The following GRID2 variants were observed in gnomAD, a reference collection of about 807,000 sequenced individuals.
GRID2 encodes the protein glutamate ionotropic receptor delta type subunit 2, also known as glutamate receptor ionotropic, delta-2.
In GRID2, 33 loss-of-function variants were observed where a neutral mutation model predicts 114.8. The ratio of observed to expected loss-of-function variants is 0.29; its 90% confidence interval spans 0.22 to 0.38. The LOEUF is 0.38. GRID2 is among the 10% of genes least tolerant of loss of function. The pLI, the probability that GRID2 is intolerant of heterozygous loss-of-function variation, is 1.00. For synonymous variants in GRID2, 505 were observed against 449.9 expected (o/e 1.12, Z -1.55); for missense variants, 1,184 against 1,257.7 (o/e 0.94, Z 0.89).
intron 1 of GRID2, among the ~76,000 whole-genome samples, chr4:92,511,666 G>C (rs538005107): frequency 6.6e-6 from 1 of 152,000 alleles, no homozygotes; most frequent in East Asian, 1.9e-4. Flanking sequence ...AAAATATTAG[G>C]ATTAAAAGTC....
chr4:92,770,957 G>T (rs749249306), intron 2 of GRID2, among the ~76,000 whole-genome samples: 1 of 151,918 alleles, frequency 6.6e-6, no homozygotes, highest in Non-Finnish European at 1.5e-5. Context: ...TTTTAAGAAG[G>T]TGTTTCTTAG....
intron 2 of GRID2, among the ~76,000 whole-genome samples, chr4:92,597,616 G>A (rs1045517154): frequency 5.3e-5 from 8 of 152,128 alleles, no homozygotes; most frequent in Non-Finnish European, 1.0e-4. Context: ...TTCTTTTGTT[G>A]TCTGTGTTCT....
At chr4:93,301,891 ATAAAAC>A (rs1335867810) in intron 8 of GRID2, among the ~76,000 whole-genome samples, 3 of 152,200 alleles carry the variant, frequency 2.0e-5, no homozygotes, top group Non-Finnish European at 4.4e-5. Flanking sequence ...TAAAATAAAA[ATAAAAC>A]TCAGGAAATT....
intron 2 of GRID2, among the ~76,000 whole-genome samples, chr4:92,877,275 G>A (rs1369776398): frequency 6.6e-6 from 1 of 152,168 alleles, no homozygotes; most frequent in Non-Finnish European, 1.5e-5. Flanking sequence ...GTTTTCAAAG[G>A]TTCATTCTGC....
intron 8 of GRID2, among the ~76,000 whole-genome samples, chr4:93,366,526 A>C (rs1184735995): frequency 6.6e-6 from 1 of 152,036 alleles, no homozygotes; most frequent in South Asian, 2.1e-4. Flanking sequence ...TAGCAATTTT[A>C]ATTTCACCTG....
At chr4:92,552,894 G>A (rs1199454435) in intron 1 of GRID2, among the ~76,000 whole-genome samples, 1 of 152,162 alleles carries the variant, frequency 6.6e-6, no homozygotes, top group Admixed American at 6.6e-5. Context: ...AACAATTCCA[G>A]TCTTCTCTCT....
intron 2 of GRID2, among the ~76,000 whole-genome samples, chr4:92,698,296 G>A (rs1040175567): frequency 6.6e-6 from 1 of 152,096 alleles, no homozygotes; most frequent in African/African-American, 2.4e-5. Context: ...TGGTAAAGAA[G>A]TAAAGTCCAC....
intron 14 of GRID2, among the ~76,000 whole-genome samples, chr4:93,633,257 G>C (rs1189977806): frequency 6.6e-6 from 1 of 151,408 alleles, no homozygotes; most frequent in African/African-American, 2.4e-5. Flanking sequence ...ATAACTATAA[G>C]AATTTTTTTC....
At chr4:92,536,215 T>G (rs1229741416) in intron 1 of GRID2, among the ~76,000 whole-genome samples, 4 of 152,112 alleles carry the variant, frequency 2.6e-5, no homozygotes, top group Non-Finnish European at 5.9e-5. Context: ...TTTGACAGAG[T>G]GCTGATTGGT....
intron 1 of GRID2, among the ~76,000 whole-genome samples, chr4:92,343,071 T>C (rs1560577041): frequency 6.6e-6 from 1 of 152,200 alleles, no homozygotes; most frequent in African/African-American, 2.4e-5. Flanking sequence ...CATATTTCGC[T>C]ATAATGCAAA....
At chr4:92,642,627 TG>T (rs1322221963) in intron 2 of GRID2, among the ~76,000 whole-genome samples, 6 of 151,732 alleles carry the variant, frequency 4.0e-5, no homozygotes, top group African/African-American at 4.8e-5. Flanking sequence ...TTGTTTTTGT[TG>T]TTTTTTTTAA....
At chr4:92,754,094 C>T (rs77633831) in intron 2 of GRID2, among the ~76,000 whole-genome samples, 1,584 of 152,242 alleles carry the variant, frequency 0.01, 28 homozygotes, top group African/African-American at 0.036. Flanking sequence ...GGAAAGTTAA[C>T]GTGCAAACCA....
At chr4:92,619,124 T>C in intron 2 of GRID2, among the ~76,000 whole-genome samples, 1 of 151,698 alleles carries the variant, frequency 6.6e-6, no homozygotes, top group Non-Finnish European at 1.5e-5. Flanking sequence ...CAGCCAAGGA[T>C]TATTCAGAGC....
chr4:92,877,543 T>G (rs1745720994), intron 2 of GRID2, among the ~76,000 whole-genome samples: 1 of 152,146 alleles, frequency 6.6e-6, no homozygotes, highest in Non-Finnish European at 1.5e-5. Context: ...TCACACACAT[T>G]CTTATGTACA....
intron 14 of GRID2, among the ~76,000 whole-genome samples, chr4:93,749,160 A>C (rs1438519541): frequency 6.6e-6 from 1 of 152,134 alleles, no homozygotes; most frequent in Non-Finnish European, 1.5e-5. Context: ...AGAAGAGAGA[A>C]TATGCAGAGG....
intron 1 of GRID2, among the ~76,000 whole-genome samples, chr4:92,440,845 G>A (rs188417577): frequency 2.0e-5 from 3 of 152,052 alleles, no homozygotes; most frequent in East Asian, 3.9e-4. Context: ...AATGTGGGAG[G>A]CTGAAGTCTG....
At chr4:93,770,020 C>T (rs1157456368) in intron 15 of GRID2, among the ~76,000 whole-genome samples, 1 of 152,178 alleles carries the variant, frequency 6.6e-6, no homozygotes, top group African/African-American at 2.4e-5. Context: ...TTCTCCTTTA[C>T]TGTGGAGTCA....
At chr4:92,332,176 A>T in intron 1 of GRID2, among the ~76,000 whole-genome samples, 1 of 152,250 alleles carries the variant, frequency 6.6e-6, no homozygotes, top group South Asian at 2.1e-4. Flanking sequence ...TAAGGAAAAA[A>T]AAATTTACTT....
intron 1 of GRID2, among the ~76,000 whole-genome samples, chr4:92,442,039 C>G (rs970263257): frequency 6.6e-5 from 10 of 151,502 alleles, no homozygotes; most frequent in African/African-American, 2.2e-4. Flanking sequence ...GGTTTAGAAG[C>G]CTGGCCGTCA....
Sources: gnomAD v4.1 joint callset for allele counts (sites outside exome capture counted in the v4.1 genomes callset) on GRCh38, gnomAD v4.1.1 for gene constraint, MANE v1.5 for transcripts, NCBI Gene and HGNC (gene_info 2026-07-23, HGNC 2026-07-21) for gene names.